DAP3: variants seen among roughly 807,000 people sequenced by gnomAD.
The protein encoded by DAP3 is small ribosomal subunit protein mS29.
A neutral mutation model predicts 51.9 loss-of-function variants in DAP3; 28 were observed. The ratio of observed to expected loss-of-function variants is 0.54; its 90% CI spans 0.40 to 0.74. The LOEUF is 0.74. Among genes scored for constraint, DAP3 ranks in the 30% least tolerant of loss-of-function variants. The pLI, the probability that DAP3 is intolerant of heterozygous loss-of-function variation, is 0.00. For synonymous variants in DAP3, 170 were observed against 170.3 expected (o/e 1.00, Z 0.01); for missense variants, 458 against 483.5 (o/e 0.95, Z 0.49).
intron 1 of DAP3, among the ~76,000 whole-genome samples, chr1:155,690,852 A>C (rs1343631448): frequency 7.0e-6 from 1 of 141,930 alleles, no homozygotes; most frequent in Admixed American, 6.6e-5. Context: ...GGATCCTCCC[A>C]CCTCAGCCAT....
At chr1:155,710,042 T>G (rs1415893602) in intron 2 of DAP3, 1 of 431,526 alleles carries the variant, frequency 2.3e-6, no homozygotes, top group Admixed American at 3.8e-5. Context: ...TTATCTTTAT[T>G]AACTTTATTT....
Position 155,720,324 on chromosome 1 carries a change from CAAAAAAAAAA to C in DAP3, c.169-1174_169-1165del, listed in dbSNP as rs61252469. 4.3e-3 allele frequency among the ~76,000 whole-genome samples: 140 copies of C among 32,812 alleles called. 1 individual carries two copies. Among genetic ancestry groups the C allele is most frequent in the African/African-American group, 0.017 (127 of 7,642 alleles). 21.5% of individuals were successfully genotyped at this position (32,812 alleles called of 152,430 possible). A position where few individuals can be genotyped will look rare whatever the true frequency, so the allele number is the denominator to read the frequency against. ...TGGTAAACCGAGCAAGATCTTGTCT[CAAAAAAAAAA>C]AAAAAAAAAAAAAAAAAAGACATAA... On this transcript the variant is annotated intron_variant, in intron 3 of 12. Transcript: ENST00000368336.
intron 1 of DAP3, among the ~76,000 whole-genome samples, chr1:155,709,409 G>T (rs1341820598): frequency 6.6e-6 from 1 of 152,086 alleles, no homozygotes; most frequent in Non-Finnish European, 1.5e-5. Flanking sequence ...GCCCCGAGAA[G>T]TGTTCCTCCC....
intron 2 of DAP3, chr1:155,710,339 C>T (rs1473609401): frequency 6.6e-6 from 1 of 150,866 alleles, no homozygotes; most frequent in Non-Finnish European, 1.5e-5. Context: ...TCAAGCTATT[C>T]TTCTGCCTCA....
chr1:155,717,026 A>C lies in DAP3; in HGVS notation c.66A>C (p.Leu22Phe). 8.1e-6 allele frequency: 13 copies of C among 1,612,872 alleles called. No individual in the cohort carries two copies. Among genetic ancestry groups the C allele is most frequent in the Non-Finnish European group, 1.0e-5 (12 of 1,179,582 alleles). ...RIHKLDPGRF[L>F]HMGTQARQSI... ...TATAGTTGGACCCTGGGCGTTTTTT[A>C]CACATGGGGACCCAGGCTCGCCAAA... Residue 22 changes from leucine (L) to phenylalanine (F), a missense_variant, in exon 3 of 13, where the codon TTA becomes TTC. By Grantham distance (22) the Leu-to-Phe change is conservative. Coordinates refer to ENST00000368336, the MANE Select transcript of DAP3 (RefSeq NM_004632.4).
chr1:155,699,968 C>T (rs887743951), intron 1 of DAP3, among the ~76,000 whole-genome samples: 5 of 150,742 alleles, frequency 3.3e-5, no homozygotes, highest in East Asian at 3.9e-4. Context: ...GATGGAGTCT[C>T]GCTCTGTCGC....
At chr1:155,730,181 GTATATATAATATTCATATATGTATATAT>G (rs1557797625) in intron 9 of DAP3, among the ~76,000 whole-genome samples, 37 of 146,538 alleles carry the variant, frequency 2.5e-4, no homozygotes, top group Non-Finnish European at 3.6e-4. Context: ...GTTCATATAT[GTATATATAATATTCATATATGTATATAT>G]GTATATATAA....
intron 1 of DAP3, among the ~76,000 whole-genome samples, chr1:155,690,859 C>A (rs377195817): frequency 7.0e-6 from 1 of 142,360 alleles, no homozygotes; most frequent in Admixed American, 6.6e-5. Context: ...CCCACCTCAG[C>A]CATCTGAGCA....
At chr1:155,733,567 G>T (rs754610685) in intron 11 of DAP3, among the ~76,000 whole-genome samples, 2 of 152,174 alleles carry the variant, frequency 1.3e-5, no homozygotes, top group Non-Finnish European at 2.9e-5. Flanking sequence ...GGCCGGGTGT[G>T]ATGGCTCACG....
intron 2 of DAP3, among the ~76,000 whole-genome samples, chr1:155,715,519 C>G (rs1198329591): frequency 2.4e-5 from 3 of 123,466 alleles, no homozygotes; most frequent in Non-Finnish European, 4.8e-5. Context: ...AAGACCCTGT[C>G]TTAAAAAAAA....
intron 3 of DAP3, 113 bp downstream of exon 3, chr1:155,717,241 C>T (rs778588371): frequency 4.4e-5 from 65 of 1,492,564 alleles, no homozygotes; most frequent in Non-Finnish European, 5.8e-5. Context: ...TGCATTTACT[C>T]AGATAGTGCA....
rs558867361 is a variant in DAP3 at position 155,726,129 on chromosome 1, T to G, written c.472+110T>G. ...TTTTCTTTTCTTTTTTTTTTTTTTTTTGAGATGGAGTTTCGCTCTTGTCGG... is the reference window on the plus strand; with the variant it reads ...TTTTCTTTTCTTTTTTTTTTTTTTTGTGAGATGGAGTTTCGCTCTTGTCGG... On this transcript the variant is annotated intron_variant, in intron 6 of 12. Coordinates refer to ENST00000368336, the MANE Select transcript of DAP3 (RefSeq NM_004632.4). The G allele has an allele frequency of 7.4e-6, 7 of 945,650 alleles. No homozygotes were observed. In the East Asian group the frequency reaches 2.0e-4, roughly 27 times the overall value. 58.6% of individuals were successfully genotyped at this position (945,650 alleles called of 1,614,324 possible).
chr1:155,704,110 G>T (rs1381487844), intron 1 of DAP3, among the ~76,000 whole-genome samples: 1 of 152,194 alleles, frequency 6.6e-6, no homozygotes. Flanking sequence ...TTGTGCCACT[G>T]CACTCCAGCC....
chr1:155,700,386 A>G (rs752189402), intron 1 of DAP3, among the ~76,000 whole-genome samples: 15 of 152,264 alleles, frequency 9.9e-5, no homozygotes, highest in Non-Finnish European at 1.9e-4. Flanking sequence ...TCTGATTTGG[A>G]TAAAATTCAA....
chr1:155,688,054 C>G (rs201163853), upstream of DAP3: 1 of 1,558,776 alleles, frequency 6.4e-7, no homozygotes, highest in Non-Finnish European at 8.7e-7. Flanking sequence ...AATGCCGGCC[C>G]AAATCGTTCT....
intron 3 of DAP3, among the ~76,000 whole-genome samples, chr1:155,717,666 T>G (rs1657490878): frequency 6.6e-6 from 1 of 152,216 alleles, no homozygotes. Flanking sequence ...CTAAAGAAAT[T>G]AAACTACTTG....
chr1:155,725,416 G>A lies in DAP3; in HGVS notation c.305G>A (p.Arg102Lys). 6.2e-7 allele frequency: 1 copy of A among 1,614,068 alleles called. No homozygotes were observed. The highest frequency in any genetic ancestry group is 8.5e-7 in the Non-Finnish European group (1 of 1,180,020). Residue 102 changes from arginine (R) to lysine (K), a missense_variant, in exon 5 of 13, where the codon AGG (arginine) becomes AAG (lysine). Arg to Lys is a conservative substitution (Grantham distance 26). Transcript: ENST00000368336. ...KTFSEACLMVRKPALELLHYL... is the reference protein window; with the variant it reads ...KTFSEACLMVKKPALELLHYL... ...TTCAGTGAAGCTTGCCTGATGGTAA[G>A]GAAACCAGCCCTAGAACTTCTGCAT...
intron 1 of DAP3, among the ~76,000 whole-genome samples, chr1:155,695,032 T>G (rs1359641930): frequency 6.6e-6 from 1 of 152,234 alleles, no homozygotes; most frequent in Non-Finnish European, 1.5e-5. Flanking sequence ...ATCGCTTGCC[T>G]TTGAGAATTA....
rs1411226963 is a variant in DAP3, at chr1:155,721,535, C to T, written c.187C>T (p.His63Tyr). The T allele has an allele frequency of 6.2e-7, 1 of 1,613,792 alleles. No homozygotes were observed. Among genetic ancestry groups the T allele is most frequent in the African/African-American group, 1.3e-5 (1 of 74,834 alleles). The change falls in exon 4 of 13, where the codon CAC (histidine) becomes TAC (tyrosine). Residue 63 changes from histidine (H) to tyrosine (Y), a missense_variant. By Grantham distance (83) the His-to-Tyr change is moderately conservative. Transcript: ENST00000368336. ...TTCCTAGGCCAAGCATGGGGATCAGCACGAGGGTCAGCACTACAACATCTC... is the reference window on the plus strand; with the variant it reads ...TTCCTAGGCCAAGCATGGGGATCAGTACGAGGGTCAGCACTACAACATCTC... ...ENDPAKHGDQ[H>Y]EGQHYNISPQ...
Sources: gnomAD v4.1 joint callset for allele counts (sites outside exome capture counted in the v4.1 genomes callset) on GRCh38, gnomAD v4.1.1 for gene constraint, MANE v1.5 for transcripts, NCBI Gene and HGNC (gene_info 2026-07-23, HGNC 2026-07-21) for gene names.